Variants in ATXN1 observed in about 807,000 individuals in gnomAD.
ATXN1 encodes the protein ataxin 1, also known as ataxin-1.
ATXN1 carries 8 observed loss-of-function variants against 56.4 expected under a neutral mutation model. The observed-to-expected ratio is 0.14, with a 90% CI of 0.08 to 0.26. The LOEUF (loss-of-function observed/expected upper bound fraction) is 0.26, where lower values mean the gene tolerates loss of function less well. Among genes scored for constraint, ATXN1 ranks in the 10% least tolerant of loss-of-function variants. The pLI, the probability that ATXN1 is intolerant of heterozygous loss-of-function variation, is 1.00. For missense variants in ATXN1, 987 were observed against 1,106.5 expected (o/e 0.89, Z 1.53); for synonymous variants, 514 against 494.6 (o/e 1.04, Z -0.52).
intron 6 of ATXN1, among the ~76,000 whole-genome samples, chr6:16,351,939 T>A (rs1761578527): frequency 6.6e-6 from 1 of 152,192 alleles, no homozygotes; most frequent in African/African-American, 2.4e-5. Context: ...GATTATTTCT[T>A]AGAACAGGTT....
intron 3 of ATXN1, among the ~76,000 whole-genome samples, chr6:16,635,876 ACG>A (rs1763587586): frequency 6.9e-6 from 1 of 144,056 alleles, no homozygotes; most frequent in Non-Finnish European, 1.6e-5. Context: ...CAAAGCGACG[ACG>A]CCCACTGTGC....
At chr6:16,587,228 A>T (rs978018492) in intron 3 of ATXN1, among the ~76,000 whole-genome samples, 1 of 152,234 alleles carries the variant, frequency 6.6e-6, no homozygotes. Context: ...CCAAATCCAG[A>T]TGCCAAAACA....
At chr6:16,698,333 C>T (rs1759209803) in intron 2 of ATXN1, among the ~76,000 whole-genome samples, 1 of 152,274 alleles carries the variant, frequency 6.6e-6, no homozygotes, top group Admixed American at 6.5e-5. Flanking sequence ...ATAGTACCAA[C>T]CACTCCCTGC....
At chr6:16,401,064 A>C (rs573951078) in intron 6 of ATXN1, among the ~76,000 whole-genome samples, 1 of 152,230 alleles carries the variant, frequency 6.6e-6, no homozygotes, top group African/African-American at 2.4e-5. Context: ...TAAAGTGTCC[A>C]GTGTCCTTAC....
At chr6:16,567,715 C>T (rs995248491) in intron 4 of ATXN1, among the ~76,000 whole-genome samples, 2 of 151,850 alleles carry the variant, frequency 1.3e-5, no homozygotes, top group African/African-American at 2.4e-5. Context: ...GACCAGTGTT[C>T]CGCCTTTTTA....
chr6:16,384,714 T>A (rs1581727349), intron 6 of ATXN1, among the ~76,000 whole-genome samples: 1 of 152,220 alleles, frequency 6.6e-6, no homozygotes, highest in South Asian at 2.1e-4. Context: ...GCACCTCCCC[T>A]TTCCCTTCCT....
chr6:16,742,873 T>C (rs1194275625), intron 2 of ATXN1, among the ~76,000 whole-genome samples: 2 of 152,156 alleles, frequency 1.3e-5, no homozygotes, highest in African/African-American at 4.8e-5. Context: ...TTAACCTAAA[T>C]CTAACCAACC....
intron 2 of ATXN1, among the ~76,000 whole-genome samples, chr6:16,752,610 T>C (rs1760756905): frequency 6.6e-6 from 1 of 152,206 alleles, no homozygotes; most frequent in Non-Finnish European, 1.5e-5. Context: ...TGCCCCAAGT[T>C]CTAGCAAACC....
intron 3 of ATXN1, among the ~76,000 whole-genome samples, chr6:16,648,398 G>A (rs1157318880): frequency 2.0e-5 from 3 of 152,146 alleles, no homozygotes; most frequent in African/African-American, 4.8e-5. Flanking sequence ...TTTGTCACTA[G>A]GTACTTAGGA....
At chr6:16,346,922 G>GT (rs1223429647) in intron 6 of ATXN1, among the ~76,000 whole-genome samples, 3 of 152,228 alleles carry the variant, frequency 2.0e-5, no homozygotes. Context: ...CGCGTTGCTT[G>GT]TGGGCCAGCG....
chr6:16,499,262 G>T (rs1317468670), intron 5 of ATXN1, among the ~76,000 whole-genome samples: 1 of 152,170 alleles, frequency 6.6e-6, no homozygotes, highest in Non-Finnish European at 1.5e-5. Context: ...TTGTTGAAAA[G>T]AGGTAAGAGA....
chr6:16,312,273 T>C (rs951398417), intron 7 of ATXN1, among the ~76,000 whole-genome samples: 5 of 152,206 alleles, frequency 3.3e-5, no homozygotes, highest in African/African-American at 1.2e-4. Context: ...ATAATGTTAT[T>C]GGACATTTTG....
chr6:16,407,094 T>G (rs376944863), intron 6 of ATXN1, among the ~76,000 whole-genome samples: 1 of 152,200 alleles, frequency 6.6e-6, no homozygotes, highest in Non-Finnish European at 1.5e-5. Flanking sequence ...TTGTAAAAGT[T>G]CACAGCGGCA....
intron 3 of ATXN1, among the ~76,000 whole-genome samples, chr6:16,604,859 TAC>T (rs1363022765): frequency 6.6e-6 from 1 of 152,016 alleles, no homozygotes; most frequent in African/African-American, 2.4e-5. Context: ...GTGCTGGAAA[TAC>T]ACACTCAAGC....
At chr6:16,586,610 A>G (rs1762629319) in intron 3 of ATXN1, among the ~76,000 whole-genome samples, 1 of 152,248 alleles carries the variant, frequency 6.6e-6, no homozygotes, top group South Asian at 2.1e-4. Flanking sequence ...AATACAGCCA[A>G]CGGATGTTAA....
chr6:16,435,231 A>G (rs1759364887), intron 6 of ATXN1, among the ~76,000 whole-genome samples: 1 of 152,126 alleles, frequency 6.6e-6, no homozygotes, highest in Admixed American at 6.6e-5. Context: ...ACCCCAAAGG[A>G]GGTGCAGAGT....
chr6:16,629,911 C>T (rs1326797174), intron 3 of ATXN1, among the ~76,000 whole-genome samples: 1 of 133,170 alleles, frequency 7.5e-6, no homozygotes, highest in African/African-American at 2.6e-5. Flanking sequence ...AAGCAAAACT[C>T]CATCTCAAAA....
At chr6:16,722,865 C>T (rs1382341569) in intron 2 of ATXN1, among the ~76,000 whole-genome samples, 2 of 152,128 alleles carry the variant, frequency 1.3e-5, no homozygotes, top group Admixed American at 6.5e-5. Flanking sequence ...CAGTAACATG[C>T]GAGTTTTCTG....
Position 16,327,192 on chromosome 6 carries a change from A to G in ATXN1, c.1119T>C (p.Arg373=). The G allele has an allele frequency of 6.2e-7, 1 of 1,613,990 alleles. No individual in the cohort carries two copies. Among genetic ancestry groups the G allele is most frequent in the Non-Finnish European group, 8.5e-7 (1 of 1,180,012 alleles). ...VHPSPSDYSS[R]DPSGVRASVM... is the part of the protein sequence containing the mutation. Reference sequence around the variant, plus strand: ...CAGAGGCCCGGACCCCCGAAGGATCACGACTGCTGTAGTCTGAGGGGCTCG... The same window carrying G: ...CAGAGGCCCGGACCCCCGAAGGATCGCGACTGCTGTAGTCTGAGGGGCTCG... The change falls in exon 7 of 8, where the codon CGT becomes CGC. Residue 373 remains arginine (R), a synonymous_variant. Coordinates refer to ENST00000436367, the MANE Select transcript of ATXN1 (RefSeq NM_001128164.2).
Sources: gnomAD v4.1 joint callset for allele counts (sites outside exome capture counted in the v4.1 genomes callset) on GRCh38, gnomAD v4.1.1 for gene constraint, MANE v1.5 for transcripts, NCBI Gene and HGNC (gene_info 2026-07-23, HGNC 2026-07-21) for gene names.